Variants in GRK5 observed in about 807,000 individuals in gnomAD.
GRK5 encodes G protein-coupled receptor kinase 5, also known as g protein-coupled receptor kinase GRK5.
In GRK5, 40 loss-of-function variants were observed where a neutral mutation model predicts 78.4. The observed-to-expected ratio is 0.51, with a 90% CI of 0.40 to 0.66. GRK5 has a LOEUF of 0.66. Among genes scored for constraint, GRK5 ranks in the 30% least tolerant of loss-of-function variants. The pLI, the probability that GRK5 is intolerant of heterozygous loss-of-function variation, is 0.00. For synonymous variants in GRK5, 289 were observed against 296.8 expected, an observed-to-expected ratio of 0.97 and a Z score of 0.27; for missense variants, 598 against 759.9, an observed-to-expected ratio of 0.79 and a Z score of 2.50.
At position 119,394,555 on chromosome 10, in the gene GRK5, GTATGTT is replaced by G. The variant is rs1851988209; in HGVS notation, c.262-2138_262-2133del. Among the ~76,000 whole-genome samples the G allele has an allele frequency of 2.1e-4, 2 of 9,344 alleles. 1 individual carries two copies. The highest frequency in any genetic ancestry group is 5.0e-4 in the Non-Finnish European group (2 of 4,000). 6.1% of individuals were successfully genotyped at this position (9,344 alleles called of 152,430 possible). On this transcript the variant is annotated intron_variant, in intron 3 of 15. Coordinates refer to ENST00000392870, the MANE Select transcript of GRK5 (RefSeq NM_005308.3). ...TGTGTATCTGTGTGTGGGGGCACGTGTATGTTTGGGTGTGTGTGTGTCTGTGTGTGG... is the reference window on the plus strand; with the variant it reads ...TGTGTATCTGTGTGTGGGGGCACGTGTGGGTGTGTGTGTGTCTGTGTGTGG...
intron 2 of GRK5, among the ~76,000 whole-genome samples, chr10:119,331,282 C>A (rs1019204201): frequency 1.3e-4 from 20 of 152,184 alleles, no homozygotes; most frequent in African/African-American, 4.6e-4. Flanking sequence ...ATTGAAAAGG[C>A]TCTGTGTGTG....
intron 2 of GRK5, among the ~76,000 whole-genome samples, chr10:119,363,744 T>A (rs762632812): frequency 2.0e-5 from 3 of 152,218 alleles, no homozygotes; most frequent in Non-Finnish European, 4.4e-5. Flanking sequence ...TTAAGGGTGT[T>A]ACTCAGAACT....
chr10:119,340,355 G>A (rs988914073), intron 2 of GRK5, among the ~76,000 whole-genome samples: 4 of 152,062 alleles, frequency 2.6e-5, no homozygotes, highest in Non-Finnish European at 4.4e-5. Context: ...TTGAACTCTT[G>A]GCCTCAAGTA....
At chr10:119,315,723 C>T (rs1850474006) in intron 1 of GRK5, among the ~76,000 whole-genome samples, 1 of 152,220 alleles carries the variant, frequency 6.6e-6, no homozygotes, top group African/African-American at 2.4e-5. Context: ...AATTGTGACA[C>T]TGCCTTCCAC....
chr10:119,410,723 T>C (rs1281315298), intron 4 of GRK5, among the ~76,000 whole-genome samples: 1 of 152,004 alleles, frequency 6.6e-6, no homozygotes, highest in Non-Finnish European at 1.5e-5. Flanking sequence ...GAAAAGTGAA[T>C]TCATCCAGAG....
chr10:119,403,208 C>T (rs543231966), intron 4 of GRK5, among the ~76,000 whole-genome samples: 97 of 152,330 alleles, frequency 6.4e-4, no homozygotes, highest in African/African-American at 2.3e-3. Flanking sequence ...GCTCTGTCCC[C>T]CAGGCTGGAG....
intron 9 of GRK5, among the ~76,000 whole-genome samples, chr10:119,437,738 A>G: frequency 6.6e-6 from 1 of 152,216 alleles, no homozygotes; most frequent in East Asian, 1.9e-4. Flanking sequence ...ACATCTCTGA[A>G]ACAAATATAT....
At chr10:119,359,288 A>G (rs780481902) in intron 2 of GRK5, among the ~76,000 whole-genome samples, 2 of 152,086 alleles carry the variant, frequency 1.3e-5, no homozygotes, top group Non-Finnish European at 2.9e-5. Context: ...ACGGGGGCCT[A>G]TTTCAGGGAA....
intron 2 of GRK5, among the ~76,000 whole-genome samples, chr10:119,363,817 T>G (rs1851401873): frequency 6.6e-6 from 1 of 152,238 alleles, no homozygotes; most frequent in Non-Finnish European, 1.5e-5. Flanking sequence ...TAGCCACCCC[T>G]AGCTGCAGAG....
At chr10:119,406,311 C>T (rs1285921634) in intron 4 of GRK5, 2 of 202,588 alleles carry the variant, frequency 9.9e-6, no homozygotes, top group African/African-American at 4.7e-5. Flanking sequence ...ACAGCATGAC[C>T]TAGGGCAAAG....
intron 8 of GRK5, among the ~76,000 whole-genome samples, chr10:119,434,373 G>A (rs548515334): frequency 2.7e-4 from 41 of 152,300 alleles, no homozygotes; most frequent in Middle Eastern, 6.8e-3. Flanking sequence ...AGTCCTTTCC[G>A]CCTACGAGCC....
intron 4 of GRK5, among the ~76,000 whole-genome samples, chr10:119,398,679 A>T (rs1480572650): frequency 6.6e-6 from 1 of 152,214 alleles, no homozygotes; most frequent in African/African-American, 2.4e-5. Flanking sequence ...GATGCAGATT[A>T]TATTTGTTCC....
At chr10:119,326,082 C>T (rs950471154) in intron 1 of GRK5, among the ~76,000 whole-genome samples, 3 of 152,256 alleles carry the variant, frequency 2.0e-5, no homozygotes, top group Non-Finnish European at 2.9e-5. Context: ...AGACTCTCCA[C>T]AGAAAGCAAG....
At chr10:119,345,705 C>A (rs886493984) in intron 2 of GRK5, among the ~76,000 whole-genome samples, 2 of 152,162 alleles carry the variant, frequency 1.3e-5, no homozygotes, top group Admixed American at 1.3e-4. Flanking sequence ...CCATATACTT[C>A]CCCTCCACCC....
At chr10:119,383,857 T>G (rs762520991) in intron 3 of GRK5, among the ~76,000 whole-genome samples, 1 of 152,168 alleles carries the variant, frequency 6.6e-6, no homozygotes, top group African/African-American at 2.4e-5. Context: ...TACTGGGACA[T>G]AGCAGTTGCA....
chr10:119,278,614 C>CTCTCCCTCCTCTTTTCT (rs1849706171), intron 1 of GRK5, among the ~76,000 whole-genome samples: 2 of 152,140 alleles, frequency 1.3e-5, no homozygotes, highest in Non-Finnish European at 2.9e-5. Context: ...CGTCTCTTTC[C>CTCTCCCTCCTCTTTTCT]TCTCCCTCCT....
At chr10:119,409,464 G>A (rs533265157) in intron 4 of GRK5, among the ~76,000 whole-genome samples, 11 of 152,276 alleles carry the variant, frequency 7.2e-5, no homozygotes, top group Non-Finnish European at 1.3e-4. Context: ...CTCTGACCCT[G>A]TCCTTAATGT....
chr10:119,344,709 C>T (rs1421933037), intron 2 of GRK5, among the ~76,000 whole-genome samples: 3 of 152,130 alleles, frequency 2.0e-5, no homozygotes, highest in African/African-American at 7.2e-5. Context: ...CCGTCTAGCC[C>T]GAGAGATCAG....
At chr10:119,260,186 A>G in intron 1 of GRK5, among the ~76,000 whole-genome samples, 1 of 152,118 alleles carries the variant, frequency 6.6e-6, no homozygotes, top group East Asian at 1.9e-4. Context: ...TATTTTTAGT[A>G]GAGATGGGGT....
Sources: gnomAD v4.1 joint callset for allele counts (sites outside exome capture counted in the v4.1 genomes callset) on GRCh38, gnomAD v4.1.1 for gene constraint, MANE v1.5 for transcripts, NCBI Gene and HGNC (gene_info 2026-07-23, HGNC 2026-07-21) for gene names.